The following SLC5A4 variants were observed in gnomAD, a reference collection of about 807,000 sequenced individuals.
SLC5A4 encodes the protein solute carrier family 5 member 4, also known as probable glucose sensor protein SLC5A4.
In SLC5A4, 55 loss-of-function variants were observed where a neutral mutation model predicts 70.3. The ratio of observed to expected loss-of-function variants is 0.78; its 90% CI spans 0.63 to 0.98. The LOEUF is 0.98. SLC5A4 is among the 50% of genes least tolerant of loss of function. SLC5A4 has a pLI of 0.00. For synonymous variants in SLC5A4, 268 were observed against 305.7 expected, an observed-to-expected ratio of 0.88 and a Z score of 1.29; for missense variants, 735 against 839.2, an observed-to-expected ratio of 0.88 and a Z score of 1.53.
the SLC5A4 span, among the ~76,000 whole-genome samples, chr22:32,341,732 C>T: frequency 6.6e-6 from 1 of 152,206 alleles, no homozygotes; most frequent in Non-Finnish European, 1.5e-5. Flanking sequence ...CCAACCTCTT[C>T]ATTTCCTACA....
the SLC5A4 span, among the ~76,000 whole-genome samples, chr22:32,313,417 GATAC>G: frequency 1.3e-5 from 2 of 152,160 alleles, no homozygotes; most frequent in African/African-American, 2.4e-5. Context: ...CACAGATACA[GATAC>G]CATTCATACT....
At chr22:32,348,861 C>T in the SLC5A4 span, among the ~76,000 whole-genome samples, 6 of 152,202 alleles carry the variant, frequency 3.9e-5, no homozygotes, top group African/African-American at 1.4e-4. Flanking sequence ...TCAACACGCT[C>T]AGACACACAA....
chr22:32,274,039 C>CT, the SLC5A4 span, among the ~76,000 whole-genome samples: 2 of 142,588 alleles, frequency 1.4e-5, no homozygotes, highest in Non-Finnish European at 3.0e-5. Flanking sequence ...ATTTGATATT[C>CT]TATTTTTTTT....
the SLC5A4 span, among the ~76,000 whole-genome samples, chr22:32,323,098 T>C: frequency 6.6e-6 from 1 of 152,202 alleles, no homozygotes; most frequent in African/African-American, 2.4e-5. Context: ...GGACAAAATG[T>C]TGAACCAAAC....
chr22:32,351,737 T>TGGGGGGGGGGGG, the SLC5A4 span, among the ~76,000 whole-genome samples: 1 of 2,638 alleles, frequency 3.8e-4, no homozygotes, highest in African/African-American at 2.0e-3. Context: ...GTGGGGGCGG[T>TGGGGGGGGGGGG]GGGGGGAGGG....
At chr22:32,309,462 G>A in the SLC5A4 span, among the ~76,000 whole-genome samples, 1 of 152,140 alleles carries the variant, frequency 6.6e-6, no homozygotes. Context: ...ATCAGGTTGA[G>A]TTGCTAAAAA....
the SLC5A4 span, among the ~76,000 whole-genome samples, chr22:32,285,805 C>T: frequency 0.34 from 51,987 of 151,538 alleles, 9,064 homozygotes; most frequent in Admixed American, 0.41. Context: ...GGCGCGATCT[C>T]GGCTCACTGC....
At chr22:32,338,458 T>G in the SLC5A4 span, among the ~76,000 whole-genome samples, 1 of 152,174 alleles carries the variant, frequency 6.6e-6, no homozygotes, top group African/African-American at 2.4e-5. Flanking sequence ...GAGACCAGCC[T>G]GGCTGACACA....
chr22:32,223,631 A>G (rs1219705229), intron 13 of SLC5A4, among the ~76,000 whole-genome samples: 5 of 152,144 alleles, frequency 3.3e-5, no homozygotes, highest in Non-Finnish European at 5.9e-5. Context: ...AGCCCAGATG[A>G]CAGCTCTGCT....
chr22:32,336,369 C>G, the SLC5A4 span, among the ~76,000 whole-genome samples: 1 of 152,230 alleles, frequency 6.6e-6, no homozygotes. Flanking sequence ...TAATTACTCA[C>G]GCAAGCTGGC....
At chr22:32,271,547 C>T in the SLC5A4 span, 1 of 705,716 alleles carries the variant, frequency 1.4e-6, no homozygotes. Flanking sequence ...AAGCAGGTGG[C>T]CGCACAGAGG....
chr22:32,340,479 G>A, the SLC5A4 span, among the ~76,000 whole-genome samples: 30 of 152,330 alleles, frequency 2.0e-4, no homozygotes, highest in East Asian at 4.6e-3. Flanking sequence ...AGAGGAGACA[G>A]GCACAAAGCC....
chr22:32,272,886 C>T, the SLC5A4 span: 50 of 514,028 alleles, frequency 9.7e-5, no homozygotes, highest in Middle Eastern at 3.0e-4. Context: ...TGCTGCTGAA[C>T]GTGCTGCCAC....
the SLC5A4 span, among the ~76,000 whole-genome samples, chr22:32,346,345 G>GA: frequency 6.6e-6 from 1 of 152,024 alleles, no homozygotes; most frequent in Non-Finnish European, 1.5e-5. Context: ...CACAGAATTG[G>GA]AAAAAACTAC....
At chr22:32,342,170 C>T in the SLC5A4 span, among the ~76,000 whole-genome samples, 1 of 152,266 alleles carries the variant, frequency 6.6e-6, no homozygotes, top group East Asian at 1.9e-4. Context: ...ATGGCTAATG[C>T]TACACATTAT....
chr22:32,308,048 A>G, the SLC5A4 span, among the ~76,000 whole-genome samples: 1 of 152,146 alleles, frequency 6.6e-6, no homozygotes, highest in Non-Finnish European at 1.5e-5. Context: ...AACTGCATCC[A>G]GGTCTGTTAT....
chr22:32,289,808 T>A, the SLC5A4 span, among the ~76,000 whole-genome samples: 1 of 152,226 alleles, frequency 6.6e-6, no homozygotes, highest in Non-Finnish European at 1.5e-5. Context: ...CCTGATTAGG[T>A]CATGCTGATT....
chr22:32,307,186 C>T, the SLC5A4 span, among the ~76,000 whole-genome samples: 12 of 152,176 alleles, frequency 7.9e-5, no homozygotes, highest in Admixed American at 7.9e-4. Flanking sequence ...AACCCTGCAG[C>T]AGCCCTGGAT....
At chr22:32,266,535 G>A in the SLC5A4 span, among the ~76,000 whole-genome samples, 1 of 152,178 alleles carries the variant, frequency 6.6e-6, no homozygotes, top group African/African-American at 2.4e-5. Context: ...GAAATTAAAT[G>A]TACAGGAATG....
Sources: gnomAD v4.1 joint callset for allele counts (sites outside exome capture counted in the v4.1 genomes callset) on GRCh38, gnomAD v4.1.1 for gene constraint, MANE v1.5 for transcripts, NCBI Gene and HGNC (gene_info 2026-07-23, HGNC 2026-07-21) for gene names.